COMMD10: variants seen among roughly 807,000 people sequenced by gnomAD.
COMMD10 encodes COMM domain containing 10, also known as COMM domain-containing protein 10.
COMMD10 carries 33 observed loss-of-function variants against 28.9 expected under a neutral mutation model. The observed-to-expected ratio is 1.14, with a 90% CI of 0.87 to 1.53. COMMD10 has a LOEUF of 1.53. COMMD10 is among the 40% of genes most tolerant of loss of function. The probability of loss-of-function intolerance (pLI) is 0.00; values close to 1 mark genes in which losing one functional copy is unlikely to be tolerated. For synonymous variants in COMMD10, 110 were observed against 81.7 expected, an observed-to-expected ratio of 1.35 and a Z score of -1.87; for missense variants, 310 against 233.4, an observed-to-expected ratio of 1.33 and a Z score of -2.14.
chr5:116,208,278 T>C (rs1328400332), intron 5 of COMMD10, among the ~76,000 whole-genome samples: 1 of 152,196 alleles, frequency 6.6e-6, no homozygotes, highest in Non-Finnish European at 1.5e-5. Context: ...TATTGCACTT[T>C]TGGAGCCTTT....
At chr5:116,181,696 G>A (rs1747971017) in intron 5 of COMMD10, among the ~76,000 whole-genome samples, 1 of 151,716 alleles carries the variant, frequency 6.6e-6, no homozygotes, top group Non-Finnish European at 1.5e-5. Flanking sequence ...AAATCATGGT[G>A]GAACCGTTTG....
At chr5:116,086,176 A>C (rs1026726454) in intron 1 of COMMD10, among the ~76,000 whole-genome samples, 1 of 152,196 alleles carries the variant, frequency 6.6e-6, no homozygotes, top group Non-Finnish European at 1.5e-5. Context: ...TTCTCCGCCT[A>C]TGCCATATGG....
At chr5:116,247,896 T>C (rs1423493289) in intron 5 of COMMD10, among the ~76,000 whole-genome samples, 1 of 151,940 alleles carries the variant, frequency 6.6e-6, no homozygotes, top group African/African-American at 2.4e-5. Context: ...AAATAATCTG[T>C]ACAACAGATC....
chr5:116,292,428 T>A (rs770238360), intron 6 of COMMD10, 23 bp from the exon 7 acceptor site: 1 of 1,492,574 alleles, frequency 6.7e-7, no homozygotes, highest in South Asian at 1.4e-5. Context: ...AACGTCTTTT[T>A]TTTTTTTTGT....
At chr5:116,219,680 A>T (rs1175262677) in intron 5 of COMMD10, among the ~76,000 whole-genome samples, 1 of 152,088 alleles carries the variant, frequency 6.6e-6, no homozygotes, top group Non-Finnish European at 1.5e-5. Flanking sequence ...TTGTGAGGGA[A>T]TATATTTCTT....
At chr5:116,235,956 A>G (rs1749649370) in intron 5 of COMMD10, among the ~76,000 whole-genome samples, 1 of 152,184 alleles carries the variant, frequency 6.6e-6, no homozygotes, top group African/African-American at 2.4e-5. Flanking sequence ...TATAGCATAC[A>G]TACATTATTT....
intron 5 of COMMD10, among the ~76,000 whole-genome samples, chr5:116,138,461 C>T (rs575088739): frequency 6.6e-6 from 1 of 151,754 alleles, no homozygotes; most frequent in South Asian, 2.1e-4. Flanking sequence ...TGACTGACAC[C>T]AACACTTTAA....
intron 5 of COMMD10, among the ~76,000 whole-genome samples, chr5:116,223,666 G>A (rs1749321264): frequency 6.6e-6 from 1 of 152,166 alleles, no homozygotes; most frequent in Non-Finnish European, 1.5e-5. Flanking sequence ...GACAGAAGGG[G>A]TTTGGAGAGA....
At chr5:116,226,416 C>CTTT (rs34529275) in intron 5 of COMMD10, among the ~76,000 whole-genome samples, 7 of 138,086 alleles carry the variant, frequency 5.1e-5, no homozygotes, top group Non-Finnish European at 6.2e-5. Flanking sequence ...TTGTACTTCC[C>CTTT]TTTTTTTTTT....
chr5:116,170,858 C>T (rs1016285556), intron 5 of COMMD10, among the ~76,000 whole-genome samples: 4 of 152,058 alleles, frequency 2.6e-5, no homozygotes, highest in Non-Finnish European at 5.9e-5. Flanking sequence ...AAGACTTAAA[C>T]ATAAGACCTA....
intron 5 of COMMD10, among the ~76,000 whole-genome samples, chr5:116,165,779 G>C (rs7727695): frequency 0.31 from 47,331 of 151,838 alleles, 10,244 homozygotes; most frequent in African/African-American, 0.62. Flanking sequence ...CATCCTAACA[G>C]ATCAGTGCTG....
intron 5 of COMMD10, among the ~76,000 whole-genome samples, chr5:116,196,540 C>T (rs1390041022): frequency 6.6e-6 from 1 of 150,922 alleles, no homozygotes; most frequent in Non-Finnish European, 1.5e-5. Context: ...AATCTGTTAA[C>T]TCTGTGATTC....
intron 5 of COMMD10, among the ~76,000 whole-genome samples, chr5:116,290,424 T>C (rs904980212): frequency 6.6e-6 from 1 of 151,884 alleles, no homozygotes. Context: ...TTTGATCCTG[T>C]ACACTTAGCT....
intron 4 of COMMD10, among the ~76,000 whole-genome samples, chr5:116,128,374 A>G (rs1751732870): frequency 1.3e-5 from 2 of 152,020 alleles, no homozygotes; most frequent in Admixed American, 6.6e-5. Context: ...CCTGTGTTTT[A>G]TATTATTTTG....
chr5:116,149,026 A>G (rs77861787), intron 5 of COMMD10, among the ~76,000 whole-genome samples: 3 of 107,996 alleles, frequency 2.8e-5, no homozygotes, highest in Non-Finnish European at 5.2e-5. Context: ...AGCAGTCCCC[A>G]GAGTGTGATA....
chr5:116,245,159 T>A (rs1379669264), intron 5 of COMMD10, among the ~76,000 whole-genome samples: 5 of 151,890 alleles, frequency 3.3e-5, no homozygotes, highest in Non-Finnish European at 7.4e-5. Context: ...TCAGAAATGA[T>A]AAGGGGCGAT....
chr5:116,169,540 A>T (rs1232113998), intron 5 of COMMD10, among the ~76,000 whole-genome samples: 4 of 152,198 alleles, frequency 2.6e-5, no homozygotes, highest in Non-Finnish European at 5.9e-5. Flanking sequence ...CAACAAAAAA[A>T]GAAAATGTCA....
intron 4 of COMMD10, among the ~76,000 whole-genome samples, chr5:116,133,562 C>T (rs1218636657): frequency 2.0e-5 from 3 of 152,136 alleles, no homozygotes; most frequent in Non-Finnish European, 4.4e-5. Flanking sequence ...CTCTTACCAT[C>T]TGGATACTTT....
intron 5 of COMMD10, among the ~76,000 whole-genome samples, chr5:116,173,340 C>T (rs961699315): frequency 6.6e-6 from 1 of 152,076 alleles, no homozygotes; most frequent in African/African-American, 2.4e-5. Flanking sequence ...GTTATATATA[C>T]ACCTTTAAAG....
Sources: gnomAD v4.1 joint callset for allele counts (sites outside exome capture counted in the v4.1 genomes callset) on GRCh38, gnomAD v4.1.1 for gene constraint, MANE v1.5 for transcripts, NCBI Gene and HGNC (gene_info 2026-07-23, HGNC 2026-07-21) for gene names.